FSIP1: variants seen among roughly 807,000 people sequenced by gnomAD.
The protein encoded by FSIP1 is fibrous sheath interacting protein 1.
FSIP1 carries 65 observed loss-of-function variants against 60.9 expected under a neutral mutation model. That is an observed-to-expected ratio of 1.07 (90% CI 0.87 to 1.31). The LOEUF (loss-of-function observed/expected upper bound fraction) is 1.31, where lower values mean the gene tolerates loss of function less well. Ranked by LOEUF, FSIP1 falls within the 40% of genes most tolerant of loss-of-function variation. The probability of loss-of-function intolerance (pLI) is 0.00; values close to 1 mark genes in which losing one functional copy is unlikely to be tolerated. For synonymous variants in FSIP1, 209 were observed against 221.2 expected, an observed-to-expected ratio of 0.94 and a Z score of 0.49; for missense variants, 675 against 665.5, an observed-to-expected ratio of 1.01 and a Z score of -0.16.
chr15:39,630,778 G>A lies in FSIP1; in HGVS notation c.1189-12533C>T, dbSNP rs540406743. ...ATTGTCTTCAGACAGATGCTTACAA[G>A]AGTTAGTTAAACTCCTTTTTCGAGG... On this transcript the variant is annotated intron_variant, in intron 10 of 11. Coordinates refer to ENST00000350221, the MANE Select transcript of FSIP1 (RefSeq NM_152597.5). 9.8e-5 allele frequency among the ~76,000 whole-genome samples: 15 copies of A among 152,306 alleles called. No individual in the cohort carries two copies. In the East Asian group the frequency reaches 1.9e-3, roughly 20 times the overall value.
intron 10 of FSIP1, among the ~76,000 whole-genome samples, chr15:39,699,013 G>A (rs996801739): frequency 1.3e-5 from 2 of 152,156 alleles, no homozygotes; most frequent in Non-Finnish European, 2.9e-5. Flanking sequence ...CTGTCTTTCC[G>A]ACCTGCCCTT....
At chr15:39,688,718 G>C (rs1451685656) in intron 10 of FSIP1, among the ~76,000 whole-genome samples, 1 of 152,154 alleles carries the variant, frequency 6.6e-6, no homozygotes, top group African/African-American at 2.4e-5. Context: ...CACATTGAGT[G>C]TCCAAATACA....
At chr15:39,630,471 C>G (rs561561610) in intron 10 of FSIP1, among the ~76,000 whole-genome samples, 36 of 152,196 alleles carry the variant, frequency 2.4e-4, no homozygotes, top group Non-Finnish European at 4.9e-4. Flanking sequence ...GTCAGCGGGT[C>G]CCTTATTAGG....
At chr15:39,705,490 C>T (rs1439750122) in intron 10 of FSIP1, among the ~76,000 whole-genome samples, 2 of 151,926 alleles carry the variant, frequency 1.3e-5, no homozygotes, top group African/African-American at 2.4e-5. Context: ...ATAAAATTGC[C>T]TTAATTATGG....
chr15:39,597,865 A>G (rs1890510842), downstream of FSIP1: 1 of 152,222 alleles, frequency 6.6e-6, no homozygotes, highest in Admixed American at 6.5e-5. Flanking sequence ...TGACCCACGA[A>G]TGATGCCTTG....
chr15:39,737,663 TA>T (rs997608770), intron 8 of FSIP1, among the ~76,000 whole-genome samples: 3 of 152,086 alleles, frequency 2.0e-5, no homozygotes, highest in South Asian at 2.1e-4. Flanking sequence ...ACAGGATTTT[TA>T]AAAAAAAATT....
At chr15:39,688,538 T>C (rs1466661001) in intron 10 of FSIP1, among the ~76,000 whole-genome samples, 1 of 152,196 alleles carries the variant, frequency 6.6e-6, no homozygotes, top group African/African-American at 2.4e-5. Context: ...TGCACCATCA[T>C]AAAGTTGAAA....
intron 10 of FSIP1, among the ~76,000 whole-genome samples, chr15:39,710,424 A>G (rs1895452275): frequency 6.7e-6 from 1 of 148,338 alleles, no homozygotes; most frequent in Non-Finnish European, 1.5e-5. Flanking sequence ...GGGCGACAGA[A>G]GTGATACTCT....
Position 39,736,505 on chromosome 15 carries a change from G to A in FSIP1, c.891+1586C>T, listed in dbSNP as rs143891721. ...TTTAATGTTTCTCACAAAAAAATCTGAATTTCTAGCTTCCCTTGAAAAACT... is the reference window on the plus strand; with the variant it reads ...TTTAATGTTTCTCACAAAAAAATCTAAATTTCTAGCTTCCCTTGAAAAACT... On this transcript the variant is annotated intron_variant, in intron 8 of 11. Coordinates refer to ENST00000350221, the MANE Select transcript of FSIP1 (RefSeq NM_152597.5). Among the ~76,000 whole-genome samples, 893 of 152,306 alleles carry A rather than the reference G, an allele frequency of 5.9e-3. 7 individuals carry two copies. Among genetic ancestry groups the A allele is most frequent in the African/African-American group, 0.02 (842 of 41,572 alleles).
intron 2 of FSIP1, among the ~76,000 whole-genome samples, chr15:39,773,009 G>A (rs966299969): frequency 6.6e-6 from 1 of 151,570 alleles, no homozygotes; most frequent in African/African-American, 2.4e-5. Flanking sequence ...GAAACCCATG[G>A]GATTTTTACA....
chr15:39,756,104 T>C (rs910946466), intron 5 of FSIP1, among the ~76,000 whole-genome samples: 8 of 152,296 alleles, frequency 5.3e-5, no homozygotes, highest in African/African-American at 1.9e-4. Context: ...AACTTGAGGT[T>C]AATATGTCTG....
chr15:39,629,872 C>G (rs1891808158), intron 10 of FSIP1, among the ~76,000 whole-genome samples: 1 of 152,218 alleles, frequency 6.6e-6, no homozygotes, highest in Admixed American at 6.5e-5. Flanking sequence ...CAAAGTTAGG[C>G]CTAGTCTGGT....
At position 39,698,572 on chromosome 15, in the gene FSIP1, A is replaced by G. The variant is rs535975728; in HGVS notation, c.1188+14872T>C. Among the ~76,000 whole-genome samples the G allele has an allele frequency of 8.5e-4, 130 of 152,300 alleles. 2 individuals are homozygous for G. In the South Asian group the frequency reaches 0.013, roughly 15 times the overall value. ...TGTGCTTACTAGAAGCTTTAGCTCTACTTTAATCTGAGCACTCTGCACTCC... is the reference window on the plus strand; with the variant it reads ...TGTGCTTACTAGAAGCTTTAGCTCTGCTTTAATCTGAGCACTCTGCACTCC... On this transcript the variant is annotated intron_variant, in intron 10 of 11. Coordinates refer to ENST00000350221, the MANE Select transcript of FSIP1 (RefSeq NM_152597.5).
chr15:39,731,581 G>A (rs569677375), intron 8 of FSIP1, among the ~76,000 whole-genome samples: 26 of 152,256 alleles, frequency 1.7e-4, no homozygotes, highest in East Asian at 5.8e-4. Context: ...GCACTATGCC[G>A]TTACAGAAAT....
intron 10 of FSIP1, among the ~76,000 whole-genome samples, chr15:39,638,811 GGTGCATGTGTGTGTGCGCGTGTGTGT>G (rs951591992): frequency 6.5e-5 from 9 of 138,454 alleles, no homozygotes; most frequent in Non-Finnish European, 4.8e-5. Flanking sequence ...TGCGTGTGTG[GGTGCATGTGTGTGTGCGCGTGTGTGT>G]GTGCATGTGT....
intron 10 of FSIP1, among the ~76,000 whole-genome samples, chr15:39,649,711 G>A (rs1892787106): frequency 6.6e-6 from 1 of 152,130 alleles, no homozygotes; most frequent in Non-Finnish European, 1.5e-5. Flanking sequence ...GTCGTCCTCT[G>A]CCCAGGAACC....
rs139674115 is a variant in FSIP1 at position 39,718,875 on chromosome 15, C to T, written c.1051-5294G>A. Among the ~76,000 whole-genome samples the T allele has an allele frequency of 2.1e-3, 315 of 152,232 alleles. 1 individual carries two copies. The highest frequency in any genetic ancestry group is 7.2e-3 in the African/African-American group (301 of 41,540). Reference sequence around the variant, plus strand: ...TCTCCATACCTAAGAGGTATACACCCGAAGGTTGGATTCTAGCTTCCAATC... The same window carrying T: ...TCTCCATACCTAAGAGGTATACACCTGAAGGTTGGATTCTAGCTTCCAATC... On this transcript the variant is annotated intron_variant, in intron 9 of 11. Coordinates refer to ENST00000350221, the MANE Select transcript of FSIP1 (RefSeq NM_152597.5).
chr15:39,773,798 T>C (rs112660087), intron 2 of FSIP1, among the ~76,000 whole-genome samples: 3,077 of 152,240 alleles, frequency 0.02, 119 homozygotes, highest in African/African-American at 0.068. Context: ...TTATACAAAC[T>C]TCTGGAAAAG....
chr15:39,667,307 C>T (rs1344762979), intron 10 of FSIP1, among the ~76,000 whole-genome samples: 1 of 151,908 alleles, frequency 6.6e-6, no homozygotes, highest in African/African-American at 2.4e-5. Context: ...GAGTACAAAG[C>T]TTAAAAAAAG....
Sources: allele counts gnomAD v4.1 joint callset (sites outside exome capture counted in the v4.1 genomes callset), GRCh38; gene constraint gnomAD v4.1.1; transcripts MANE v1.5; gene names NCBI Gene and HGNC (gene_info 2026-07-23, HGNC 2026-07-21).